The following OR9Q1 variants were observed in gnomAD, a reference collection of about 807,000 sequenced individuals.
OR9Q1 encodes the protein olfactory receptor 9Q1.
For synonymous variants in OR9Q1, 153 were observed against 148.6 expected (o/e 1.03, Z -0.22); for missense variants, 374 against 378.8 (o/e 0.99, Z 0.11).
intron 1 of OR9Q1, among the ~76,000 whole-genome samples, chr11:58,037,885 A>ATTTT (rs1340580020): frequency 7.9e-6 from 1 of 126,146 alleles, no homozygotes; most frequent in African/African-American, 3.1e-5. Flanking sequence ...CGCCTGGCTA[A>ATTTT]TTTTTTTTGT....
intron 2 of OR9Q1, among the ~76,000 whole-genome samples, chr11:58,142,416 A>G (rs975322047): frequency 1.3e-5 from 2 of 152,142 alleles, no homozygotes; most frequent in African/African-American, 4.8e-5. Context: ...CCTTTTAAGA[A>G]CATGGCGAAT....
chr11:58,066,557 GGT>G (rs1853431854), intron 2 of OR9Q1, among the ~76,000 whole-genome samples: 1 of 152,082 alleles, frequency 6.6e-6, no homozygotes, highest in African/African-American at 2.4e-5. Flanking sequence ...GCGTTCTCCA[GGT>G]CTCCGAGACT....
At chr11:58,032,283 A>T (rs913714064) in intron 1 of OR9Q1, among the ~76,000 whole-genome samples, 1 of 152,232 alleles carries the variant, frequency 6.6e-6, no homozygotes, top group Non-Finnish European at 1.5e-5. Context: ...AAAGCAAAAA[A>T]GGAGCCCAAA....
intron 2 of OR9Q1, among the ~76,000 whole-genome samples, chr11:58,146,131 T>C (rs1854296947): frequency 6.6e-6 from 1 of 152,214 alleles, no homozygotes; most frequent in African/African-American, 2.4e-5. Flanking sequence ...GTGAGTCCCA[T>C]ATATAACTTT....
chr11:58,043,876 C>T (rs2119946824), intron 1 of OR9Q1, among the ~76,000 whole-genome samples: 1 of 152,304 alleles, frequency 6.6e-6, no homozygotes, highest in East Asian at 1.9e-4. Flanking sequence ...CAGTATCATT[C>T]TCTTTTAATA....
intron 2 of OR9Q1, among the ~76,000 whole-genome samples, chr11:58,147,908 G>T (rs933753758): frequency 2.6e-5 from 4 of 152,104 alleles, no homozygotes; most frequent in Non-Finnish European, 4.4e-5. Context: ...CTTAGAAATA[G>T]AATTCAGTCA....
intron 2 of OR9Q1, among the ~76,000 whole-genome samples, chr11:58,154,724 G>A (rs568941370): frequency 5.9e-5 from 9 of 152,286 alleles, no homozygotes; most frequent in African/African-American, 2.2e-4. Context: ...CCCCATTAAT[G>A]TGTACAATTA....
chr11:58,084,140 G>A (rs1853613997), intron 2 of OR9Q1, among the ~76,000 whole-genome samples: 1 of 151,782 alleles, frequency 6.6e-6, no homozygotes, highest in Non-Finnish European at 1.5e-5. Context: ...TCTTTCAGGA[G>A]TGTTTTGTAG....
intron 2 of OR9Q1, among the ~76,000 whole-genome samples, chr11:58,069,994 TTTAA>T (rs1404641721): frequency 6.6e-6 from 1 of 152,028 alleles, no homozygotes; most frequent in Non-Finnish European, 1.5e-5. Context: ...TCACTCTTTT[TTTAA>T]TTATTATTTT....
chr11:58,109,487 C>A (rs1184614074), intron 2 of OR9Q1: 3 of 463,174 alleles, frequency 6.5e-6, no homozygotes, highest in South Asian at 3.1e-5. Flanking sequence ...AAGAAGTACA[C>A]GGGGGTGTGG....
chr11:58,120,827 T>C (rs569096116), intron 2 of OR9Q1, among the ~76,000 whole-genome samples: 53 of 145,110 alleles, frequency 3.7e-4, no homozygotes, highest in South Asian at 3.6e-3. Context: ...TATATATATA[T>C]ACATATATTC....
intron 2 of OR9Q1, among the ~76,000 whole-genome samples, chr11:58,178,794 C>G (rs1367548332): frequency 6.6e-6 from 1 of 151,036 alleles, no homozygotes; most frequent in Non-Finnish European, 1.5e-5. Flanking sequence ...TAAGATGACT[C>G]TATGCCACAG....
intron 2 of OR9Q1, chr11:58,109,667 C>T (rs971624320): frequency 2.3e-6 from 1 of 442,876 alleles, no homozygotes; most frequent in Non-Finnish European, 4.5e-6. Context: ...GCCATAGGCT[C>T]AATATAGCTG....
chr11:58,100,810 G>A lies in OR9Q1; in HGVS notation c.-15+44863G>A, dbSNP rs774301501. On this transcript the variant is annotated intron_variant, in intron 2 of 2. Transcript: ENST00000335397. Reference sequence around the variant, plus strand: ...AGAAAACATGGCATATATACACAACGGAATTTTATATGGCTGTTCATCCAT... The same window carrying A: ...AGAAAACATGGCATATATACACAACAGAATTTTATATGGCTGTTCATCCAT... Among the ~76,000 whole-genome samples the A allele has an allele frequency of 1.6e-4, 25 of 151,882 alleles. No homozygotes were observed. In the South Asian group the frequency reaches 1.7e-3, roughly 10 times the overall value.
At chr11:58,059,687 CAAAAAAAAAAAAAAAAAAAAA>C (rs58893511) in intron 2 of OR9Q1, among the ~76,000 whole-genome samples, 1 of 40,186 alleles carries the variant, frequency 2.5e-5, no homozygotes, top group African/African-American at 8.8e-5. Context: ...GGCTCTGTCT[CAAAAAAAAAAAAAAAAAAAAA>C]AAAAAAAAGG....
At chr11:58,068,527 T>A (rs1015232589) in intron 2 of OR9Q1, among the ~76,000 whole-genome samples, 6 of 152,050 alleles carry the variant, frequency 3.9e-5, no homozygotes, top group African/African-American at 1.2e-4. Flanking sequence ...ACTTCCCAAG[T>A]TACACCAAAA....
At chr11:58,168,578 G>A (rs1480530889) in intron 2 of OR9Q1, among the ~76,000 whole-genome samples, 1 of 151,752 alleles carries the variant, frequency 6.6e-6, no homozygotes, top group Non-Finnish European at 1.5e-5. Context: ...AATTCTAGTG[G>A]CATTTATTTG....
At chr11:58,063,376 A>C (rs977629049) in intron 2 of OR9Q1, among the ~76,000 whole-genome samples, 1 of 152,220 alleles carries the variant, frequency 6.6e-6, no homozygotes, top group Non-Finnish European at 1.5e-5. Context: ...CTGATATTGC[A>C]CTTACTATAA....
chr11:58,047,618 A>C (rs2119957144), intron 1 of OR9Q1: 1 of 152,254 alleles, frequency 6.6e-6, no homozygotes, highest in East Asian at 1.9e-4. Flanking sequence ...TCATACCTGT[A>C]ATCCCAGCAC....
Sources: allele counts gnomAD v4.1 joint callset (sites outside exome capture counted in the v4.1 genomes callset), GRCh38; gene constraint gnomAD v4.1.1; transcripts MANE v1.5; gene names NCBI Gene and HGNC (gene_info 2026-07-23, HGNC 2026-07-21).